The following DNAH3 variants were observed in gnomAD, a reference collection of about 807,000 sequenced individuals.
DNAH3 encodes the protein axonemal beta dynein heavy chain 3.
A neutral mutation model predicts 432.5 loss-of-function variants in DNAH3; 332 were observed. The observed-to-expected ratio is 0.77, with a 90% CI of 0.70 to 0.84. The LOEUF (loss-of-function observed/expected upper bound fraction) is 0.84, where lower values mean the gene tolerates loss of function less well. DNAH3 is among the 40% of genes least tolerant of loss of function. DNAH3 has a pLI of 0.00. For synonymous variants in DNAH3, 1,956 were observed against 1,900.2 expected (o/e 1.03, Z -0.76); for missense variants, 4,861 against 5,114.0 (o/e 0.95, Z 1.51).
In DNAH3 at chr16:20,982,872, C is replaced by G. The variant is rs769980991; in HGVS notation, c.7708G>C (p.Gly2570Arg). 6.2e-7 allele frequency: 1 copy of G among 1,614,064 alleles called. No homozygotes were observed. The highest frequency in any genetic ancestry group is 1.7e-5 in the Admixed American group (1 of 60,002). ...CGCAGGCGGTTCCTGAAGGCATCCC[C>G]TATTGGACTCATGGCTAATGAAAAG... The change falls in exon 49 of 62, where the codon GGG becomes CGG. Residue 2570 changes from glycine (G) to arginine (R), a missense_variant. Coordinates refer to ENST00000261383, the Ensembl canonical transcript of DNAH3.
chr16:20,969,785 CACTT>C lies in DNAH3; in HGVS notation c.8458+3_8458+6del. On this transcript the variant is annotated splice_donor_5th_base_variant and intron_variant, in intron 52 of 61. Transcript: ENST00000261383. ...CTGTGCAGGCATCTGGGTGGGGTGGCACTTACCGGAGCCACTGGGGTCTGGCTTC... is the reference window on the plus strand; with the variant it reads ...CTGTGCAGGCATCTGGGTGGGGTGGCACCGGAGCCACTGGGGTCTGGCTTC... The C allele has an allele frequency of 6.2e-7, 1 of 1,614,080 alleles. No individual in the cohort carries two copies. The highest frequency in any genetic ancestry group is 8.5e-7 in the Non-Finnish European group (1 of 1,180,030).
chr16:21,083,534 A>G (rs115331138), intron 19 of DNAH3, among the ~76,000 whole-genome samples: 2,343 of 152,284 alleles, frequency 0.015, 59 homozygotes, highest in African/African-American at 0.052. Context: ...TTCGTTTGAA[A>G]CCACAGTAGC....
In DNAH3 at chr16:20,964,330, A is replaced by G. The variant is rs935852802; in HGVS notation, c.9554T>C (p.Val3185Ala). ...GTTGAGGAGACAGACCTTCACGGCA[A>G]CTTCTGGGAGGTAATGTGGATTCCT... Residue 3185 changes from valine to alanine, a missense_variant, in exon 53 of 62, where the codon GTT (valine) becomes GCT (alanine). By Grantham distance (64) the Val-to-Ala change is moderately conservative (BLOSUM62 0). Coordinates refer to ENST00000261383, the Ensembl canonical transcript of DNAH3. 4 of 1,614,062 alleles carry G rather than the reference A, an allele frequency of 2.5e-6. No homozygotes were observed. In the African/African-American group the frequency reaches 4.0e-5, roughly 16 times the overall value.
chr16:20,990,141 C>T (rs1293466214), intron 44 of DNAH3, among the ~76,000 whole-genome samples: 1 of 152,266 alleles, frequency 6.6e-6, no homozygotes, highest in Non-Finnish European at 1.5e-5. Flanking sequence ...AGTGGGAGCC[C>T]AGGCAGAGGA....
intron 30 of DNAH3, 110 bp downstream of exon 30, chr16:21,049,800 C>A (rs2089875701): frequency 1.5e-6 from 2 of 1,312,978 alleles, no homozygotes; most frequent in Admixed American, 3.4e-5. Context: ...GGAGCTGGGG[C>A]CCATGCTGCC....
At chr16:20,975,478 A>T (rs762045641) in intron 50 of DNAH3, 63 bp from the exon 51 acceptor site, 250 of 1,481,522 alleles carry the variant, frequency 1.7e-4, no homozygotes, top group Non-Finnish European at 2.0e-4. Flanking sequence ...GTAGACAAGA[A>T]TTGAAATGAT....
chr16:20,964,269 G>T, exon 53 of DNAH3: 3 of 1,614,186 alleles, frequency 1.9e-6, no homozygotes, highest in South Asian at 2.2e-5. Flanking sequence ...CGATGCCAAG[G>T]AGTTGATCTT....
At position 21,024,588 on chromosome 16, in the gene DNAH3, G is replaced by C. The variant is rs1183779505; in HGVS notation, c.5646+8C>G. The C allele has an allele frequency of 6.3e-7, 1 of 1,599,748 alleles. No individual in the cohort carries two copies. The highest frequency in any genetic ancestry group is 8.5e-7 in the Non-Finnish European group (1 of 1,172,458). Reference sequence around the variant, plus strand: ...CAGGAGGGGAAGGAAAGGGTCTGAGGGGCTCACCAATTCTTTGTGCTCCTT... The same window carrying C: ...CAGGAGGGGAAGGAAAGGGTCTGAGCGGCTCACCAATTCTTTGTGCTCCTT... On this transcript the variant is annotated splice_region_variant and intron_variant, in intron 39 of 61. Transcript: ENST00000261383.
intron 61 of DNAH3, among the ~76,000 whole-genome samples, chr16:20,933,946 A>G (rs556093306): frequency 1.3e-5 from 2 of 152,298 alleles, no homozygotes; most frequent in South Asian, 2.1e-4. Context: ...ACCATGGTCA[A>G]TTTCAGCCTA....
At chr16:21,067,772 G>GGGGGGGGA in intron 23 of DNAH3, among the ~76,000 whole-genome samples, 1 of 23,746 alleles carries the variant, frequency 4.2e-5, no homozygotes, top group South Asian at 2.3e-3. Flanking sequence ...GGGGGGGTGG[G>GGGGGGGGA]GAGGGAGAGA....
chr16:21,146,873 C>T (rs1177359723), intron 1 of DNAH3, among the ~76,000 whole-genome samples: 1 of 151,404 alleles, frequency 6.6e-6, no homozygotes, highest in Non-Finnish European at 1.5e-5. Flanking sequence ...TGATTCTCCT[C>T]CCTCAGCCTC....
intron 31 of DNAH3, 78 bp from the exon 32 acceptor site, chr16:21,042,281 A>G: frequency 7.0e-6 from 10 of 1,436,208 alleles, no homozygotes; most frequent in Non-Finnish European, 9.3e-6. Context: ...GTCCTCCCAC[A>G]TAGCAAAGAA....
intron 54 of DNAH3, among the ~76,000 whole-genome samples, chr16:20,955,351 C>T (rs1238844805): frequency 2.6e-5 from 4 of 152,090 alleles, no homozygotes; most frequent in Non-Finnish European, 5.9e-5. Flanking sequence ...CCTCTTTTAC[C>T]AGTGAGGAAG....
chr16:20,991,983 C>T (rs1250014767), intron 44 of DNAH3, among the ~76,000 whole-genome samples: 3 of 152,100 alleles, frequency 2.0e-5, no homozygotes, highest in Admixed American at 2.0e-4. Context: ...GAGATACTTC[C>T]CCTCATCAAC....
At chr16:20,970,640 G>A (rs1048668901) in intron 51 of DNAH3, among the ~76,000 whole-genome samples, 4 of 152,044 alleles carry the variant, frequency 2.6e-5, no homozygotes, top group African/African-American at 4.8e-5. Context: ...AAGAGCAATC[G>A]GATTGTTTGA....
chr16:21,046,695 T>C (rs1250806492), intron 31 of DNAH3, among the ~76,000 whole-genome samples: 2 of 152,326 alleles, frequency 1.3e-5, no homozygotes, highest in East Asian at 3.9e-4. Context: ...AATGTTGTTA[T>C]GTGTGAATTT....
chr16:20,963,441 A>G, exon 53 of DNAH3: 1 of 1,614,182 alleles, frequency 6.2e-7, no homozygotes, highest in East Asian at 2.2e-5. Context: ...CCATTTTGTC[A>G]GGCCGCAAAC....
intron 37 of DNAH3, among the ~76,000 whole-genome samples, chr16:21,029,211 AATATT>A (rs1405255949): frequency 1.3e-5 from 2 of 152,210 alleles, no homozygotes; most frequent in Non-Finnish European, 2.9e-5. Context: ...TCCATTTTTG[AATATT>A]ATATAATCAA....
chr16:21,003,279 A>G, intron 41 of DNAH3, 72 bp from the exon 42 acceptor site: 1 of 996,524 alleles, frequency 1.0e-6, no homozygotes, highest in Non-Finnish European at 1.5e-6. Context: ...TGAGGATTTT[A>G]AGTCCCTCAG....
Sources: allele counts gnomAD v4.1 joint callset (sites outside exome capture counted in the v4.1 genomes callset), GRCh38; gene constraint gnomAD v4.1.1; transcripts MANE v1.5; gene names NCBI Gene and HGNC (gene_info 2026-07-23, HGNC 2026-07-21).